The following NBAS variants were observed in gnomAD, a reference collection of about 807,000 sequenced individuals.
NBAS encodes the protein NAG/BC035112 fusion.
NBAS carries 219 observed loss-of-function variants against 302.5 expected under a neutral mutation model. The observed-to-expected ratio is 0.72, with a 90% CI of 0.65 to 0.81. NBAS has a LOEUF of 0.81. Ranked by LOEUF, NBAS falls within the 30% of genes least tolerant of loss-of-function variation. The probability of loss-of-function intolerance (pLI) is 0.00; values close to 1 mark genes in which losing one functional copy is unlikely to be tolerated. For missense variants in NBAS, 2,932 were observed against 2,841.6 expected (o/e 1.03, Z -0.72); for synonymous variants, 1,118 against 1,021.6 (o/e 1.09, Z -1.80).
intron 40 of NBAS, among the ~76,000 whole-genome samples, chr2:15,295,591 G>A (rs1029250345): frequency 2.0e-5 from 3 of 152,130 alleles, no homozygotes; most frequent in Non-Finnish European, 4.4e-5. Context: ...AAAATAAAAG[G>A]AATTATGGAA....
the NBAS span, among the ~76,000 whole-genome samples, chr2:15,006,199 A>T: frequency 6.6e-6 from 1 of 152,238 alleles, no homozygotes; most frequent in African/African-American, 2.4e-5. Context: ...ATAGAAAAAA[A>T]ATCACAGTCC....
the NBAS span, among the ~76,000 whole-genome samples, chr2:14,918,239 G>GCC: frequency 6.6e-6 from 1 of 151,304 alleles, no homozygotes; most frequent in Non-Finnish European, 1.5e-5. Flanking sequence ...CGTACTCTGT[G>GCC]CCAGGCACTG....
chr2:15,185,629 G>A (rs1665038920), intron 50 of NBAS, among the ~76,000 whole-genome samples: 1 of 152,140 alleles, frequency 6.6e-6, no homozygotes, highest in African/African-American at 2.4e-5. Flanking sequence ...ATAAGTGGCT[G>A]ATACAAGCAG....
chr2:15,369,937 G>A (rs1276009903), intron 31 of NBAS, among the ~76,000 whole-genome samples: 2 of 152,206 alleles, frequency 1.3e-5, no homozygotes, highest in African/African-American at 4.8e-5. Context: ...GCAGTCACTT[G>A]GGAATGGCAA....
chr2:15,213,534 G>T (rs936893057), intron 48 of NBAS, among the ~76,000 whole-genome samples: 1 of 152,170 alleles, frequency 6.6e-6, no homozygotes, highest in African/African-American at 2.4e-5. Flanking sequence ...TCAAATATCA[G>T]TGCCATATAT....
At chr2:15,021,267 ATAAG>A in the NBAS span, among the ~76,000 whole-genome samples, 2,095 of 151,964 alleles carry the variant, frequency 0.014, 58 homozygotes, top group African/African-American at 0.049. Context: ...CCATACGGAG[ATAAG>A]TAAGACAGTG....
intron 9 of NBAS, among the ~76,000 whole-genome samples, chr2:15,522,857 C>T (rs1037362676): frequency 3.3e-5 from 5 of 152,038 alleles, no homozygotes; most frequent in Non-Finnish European, 7.3e-5. Flanking sequence ...TCTATTAACA[C>T]GTTTTATATT....
chr2:15,008,333 C>T, the NBAS span, among the ~76,000 whole-genome samples: 1 of 152,238 alleles, frequency 6.6e-6, no homozygotes, highest in African/African-American at 2.4e-5. Flanking sequence ...ACCAAAGACC[C>T]ATTCCTCTTG....
intron 46 of NBAS, among the ~76,000 whole-genome samples, chr2:15,232,737 C>G (rs563566538): frequency 6.6e-6 from 1 of 152,284 alleles, no homozygotes; most frequent in South Asian, 2.1e-4. Flanking sequence ...ACATGTTTTC[C>G]TATCAAGAGA....
At chr2:14,864,102 A>G in the NBAS span, among the ~76,000 whole-genome samples, 1 of 152,146 alleles carries the variant, frequency 6.6e-6, no homozygotes, top group Non-Finnish European at 1.5e-5. Flanking sequence ...GTGGATCATG[A>G]GGTCAGGAGT....
At chr2:15,239,200 T>C (rs1221564560) in intron 44 of NBAS, among the ~76,000 whole-genome samples, 4 of 152,188 alleles carry the variant, frequency 2.6e-5, no homozygotes, top group Admixed American at 2.6e-4. Flanking sequence ...TCCAAACATT[T>C]TGGAATATGT....
chr2:14,835,664 T>G, the NBAS span, among the ~76,000 whole-genome samples: 1 of 152,002 alleles, frequency 6.6e-6, no homozygotes, highest in South Asian at 2.1e-4. Context: ...ATACCCAGGT[T>G]GTTATATTGT....
the NBAS span, among the ~76,000 whole-genome samples, chr2:14,906,091 A>AAGCAGCAGC: frequency 3.3e-5 from 5 of 151,974 alleles, no homozygotes; most frequent in East Asian, 5.8e-4. Context: ...CAGCAGTGGT[A>AAGCAGCAGC]AGCAGCAGCA....
intron 41 of NBAS, among the ~76,000 whole-genome samples, chr2:15,288,066 C>T (rs980276028): frequency 2.0e-5 from 3 of 152,348 alleles, no homozygotes; most frequent in Admixed American, 1.3e-4. Context: ...CCAGTCAGAA[C>T]GTCAACAGTG....
At chr2:15,360,768 C>T (rs936565835) in intron 32 of NBAS, among the ~76,000 whole-genome samples, 1 of 151,646 alleles carries the variant, frequency 6.6e-6, no homozygotes, top group African/African-American at 2.4e-5. Context: ...TTTCTTCCAC[C>T]TCCACCTATT....
chr2:14,864,382 GACTATTCAT>G, the NBAS span, among the ~76,000 whole-genome samples: 2 of 149,886 alleles, frequency 1.3e-5, no homozygotes, highest in African/African-American at 4.9e-5. Context: ...CTTATTTCAA[GACTATTCAT>G]ACTATTCATA....
the NBAS span, among the ~76,000 whole-genome samples, chr2:14,779,919 A>G: frequency 6.6e-6 from 1 of 152,206 alleles, no homozygotes; most frequent in African/African-American, 2.4e-5. Context: ...TTGTTATTAC[A>G]TATATAACTC....
chr2:15,504,924 A>G (rs767217905), intron 10 of NBAS, among the ~76,000 whole-genome samples: 3 of 152,332 alleles, frequency 2.0e-5, no homozygotes, highest in Non-Finnish European at 4.4e-5. Context: ...GTTCACAGCA[A>G]CAATATTCAC....
At chr2:15,089,616 G>A in the NBAS span, among the ~76,000 whole-genome samples, 1 of 152,104 alleles carries the variant, frequency 6.6e-6, no homozygotes, top group African/African-American at 2.4e-5. Context: ...AGTGGAATGA[G>A]AGCAGCTCCC....
Sources: gnomAD v4.1 joint callset for allele counts (sites outside exome capture counted in the v4.1 genomes callset) on GRCh38, gnomAD v4.1.1 for gene constraint, MANE v1.5 for transcripts, NCBI Gene and HGNC (gene_info 2026-07-23, HGNC 2026-07-21) for gene names.